KCNJ15: variants seen among roughly 807,000 people sequenced by gnomAD.
KCNJ15 encodes the protein potassium inwardly rectifying channel subfamily J member 15.
A neutral mutation model predicts 23.0 loss-of-function variants in KCNJ15; 14 were observed. The ratio of observed to expected loss-of-function variants is 0.61; its 90% confidence interval spans 0.40 to 0.95. The LOEUF (loss-of-function observed/expected upper bound fraction) is 0.95, where lower values mean the gene tolerates loss of function less well. Ranked by LOEUF, KCNJ15 falls within the 40% of genes least tolerant of loss-of-function variation. KCNJ15 has a pLI of 0.00. For synonymous variants in KCNJ15, 185 were observed against 183.2 expected, an observed-to-expected ratio of 1.01 and a Z score of -0.08; for missense variants, 388 against 461.8, an observed-to-expected ratio of 0.84 and a Z score of 1.46.
intron 1 of KCNJ15, among the ~76,000 whole-genome samples, chr21:38,231,208 G>A (rs1311587473): frequency 2.0e-5 from 3 of 151,940 alleles, no homozygotes; most frequent in Non-Finnish European, 4.4e-5. Context: ...CTTTTTGGAT[G>A]TTATAAATAA....
At chr21:38,279,149 G>C (rs1983057085) in intron 1 of KCNJ15, among the ~76,000 whole-genome samples, 1 of 152,110 alleles carries the variant, frequency 6.6e-6, no homozygotes, top group Non-Finnish European at 1.5e-5. Flanking sequence ...GGGGTGCTGA[G>C]TATTTTTCAG....
chr21:38,272,780 A>G (rs1297334470), intron 1 of KCNJ15, among the ~76,000 whole-genome samples: 1 of 152,206 alleles, frequency 6.6e-6, no homozygotes, highest in South Asian at 2.1e-4. Context: ...ACCAGCGCTT[A>G]ACAATGATTG....
At position 38,306,095 on chromosome 21, in the gene KCNJ15, C is replaced by A. The variant is rs1206532803; in HGVS notation, c.*5706C>A. The A allele has an allele frequency of 1.3e-5, 2 of 152,186 alleles. No individual in the cohort carries two copies. The highest frequency in any genetic ancestry group is 4.8e-5 in the African/African-American group (2 of 41,428). The allele number at this position is 152,186 out of a possible 1,614,324, so 9.4% of individuals were successfully genotyped here. A position where few individuals can be genotyped will look rare whatever the true frequency, so the allele number is the denominator to read the frequency against. On this transcript the variant is annotated 3_prime_UTR_variant, in exon 3 of 3. Transcript: ENST00000398938. ...TGCACAGGAGCCCAGATTCTCAAGC[C>A]CCAGTTGCAGAATTAGGCTGATGGT...
At chr21:38,254,654 G>T (rs10483043), upstream of KCNJ15, among the ~76,000 whole-genome samples, 10,217 of 152,202 alleles carry the variant, frequency 0.067, 830 homozygotes, top group African/African-American at 0.19. Flanking sequence ...AATGAAAAAT[G>T]CATGGATTGA....
intron 1 of KCNJ15, among the ~76,000 whole-genome samples, chr21:38,236,413 A>G (rs972109187): frequency 1.3e-5 from 2 of 152,232 alleles, no homozygotes; most frequent in South Asian, 2.1e-4. Context: ...ACCAGGGGGT[A>G]GGGGAGGAAG....
intron 1 of KCNJ15, among the ~76,000 whole-genome samples, chr21:38,293,213 A>G (rs1984800371): frequency 6.6e-6 from 1 of 152,130 alleles, no homozygotes; most frequent in African/African-American, 2.4e-5. Flanking sequence ...CTCAGTTCCA[A>G]GTTTCCTTCT....
chr21:38,251,465 T>C (rs1454852080), intron 1 of KCNJ15, among the ~76,000 whole-genome samples: 1 of 152,228 alleles, frequency 6.6e-6, no homozygotes, highest in Non-Finnish European at 1.5e-5. Context: ...AATCACCAAC[T>C]AACTCCAGTA....
At chr21:38,273,647 G>C (rs916549922) in intron 1 of KCNJ15, among the ~76,000 whole-genome samples, 86 of 152,194 alleles carry the variant, frequency 5.7e-4, no homozygotes, top group Non-Finnish European at 1.1e-3. Context: ...TTTAAAATCA[G>C]AATGGTCCAT....
chr21:38,241,203 T>C (rs1978970011), intron 1 of KCNJ15, among the ~76,000 whole-genome samples: 1 of 152,232 alleles, frequency 6.6e-6, no homozygotes, highest in Non-Finnish European at 1.5e-5. Context: ...GGGAGCCCTG[T>C]GTCACACAGG....
upstream of KCNJ15, among the ~76,000 whole-genome samples, chr21:38,256,167 A>T (rs1430375283): frequency 6.6e-6 from 1 of 151,848 alleles, no homozygotes; most frequent in East Asian, 1.9e-4. Context: ...ATATAACCCC[A>T]TTCCCGAAAG....
rs1051568499 is a variant in KCNJ15 at position 38,304,588 on chromosome 21, A to G, written c.*4199A>G. On this transcript the variant is annotated 3_prime_UTR_variant, in exon 3 of 3. Coordinates refer to ENST00000398938, the MANE Select transcript of KCNJ15 (RefSeq NM_170736.3). ...CTCCCAGGAGGACTTACTTACACTT[A>G]AAGGTCAAAAGCTTAACATTCACTT... 1.3e-5 allele frequency: 2 copies of G among 150,024 alleles called. No homozygotes were observed. Among genetic ancestry groups the G allele is most frequent in the African/African-American group, 4.9e-5 (2 of 40,888 alleles). The allele number at this position is 150,024 out of a possible 1,614,324, so 9.3% of individuals were successfully genotyped here.
At chr21:38,274,039 T>C (rs944860046) in intron 1 of KCNJ15, among the ~76,000 whole-genome samples, 5 of 152,254 alleles carry the variant, frequency 3.3e-5, no homozygotes, top group African/African-American at 1.2e-4. Context: ...TTTATGTTTC[T>C]AATGTGGTAT....
chr21:38,300,266 A>G lies in KCNJ15; in HGVS notation c.1005A>G (p.Lys335=), dbSNP rs1985649909. Reference sequence around the variant, plus strand: ...TCAGTCAGTTTGAACAGATTCGGAAAAGCCCAGATTGCACATTTTACTGTG... The same window carrying G: ...TCAGTCAGTTTGAACAGATTCGGAAGAGCCCAGATTGCACATTTTACTGTG... ...ADFSQFEQIR[K]SPDCTFYCAD... The change falls in exon 3 of 3, where the codon AAA becomes AAG. Residue 335 remains lysine (K), a synonymous_variant. Transcript: ENST00000398938. The G allele has an allele frequency of 6.2e-7, 1 of 1,614,122 alleles. No homozygotes were observed. Among genetic ancestry groups the G allele is most frequent in the African/African-American group, 1.3e-5 (1 of 74,934 alleles).
chr21:38,238,693 A>C (rs1417185033), intron 1 of KCNJ15: 6 of 462,734 alleles, frequency 1.3e-5, no homozygotes, highest in Non-Finnish European at 1.6e-5. Flanking sequence ...AAACTCTAGG[A>C]GGAATGTCCT....
upstream of KCNJ15, among the ~76,000 whole-genome samples, chr21:38,255,403 C>T (rs771607422): frequency 7.2e-5 from 11 of 152,200 alleles, no homozygotes; most frequent in Non-Finnish European, 1.3e-4. Context: ...CATATCCTCG[C>T]GGGAGGTCTA....
chr21:38,263,890 T>C (rs541547852), intron 1 of KCNJ15, among the ~76,000 whole-genome samples: 214 of 151,854 alleles, frequency 1.4e-3, no homozygotes, highest in African/African-American at 4.9e-3. Flanking sequence ...TTTAAGTGAA[T>C]TTACAAAGAT....
intron 1 of KCNJ15, among the ~76,000 whole-genome samples, chr21:38,246,462 C>A (rs762483170): frequency 6.6e-6 from 1 of 152,148 alleles, no homozygotes. Flanking sequence ...GCTTTGAGTT[C>A]GTTGCAGCTA....
At chr21:38,234,674 A>C (rs546820940) in intron 1 of KCNJ15, among the ~76,000 whole-genome samples, 1 of 152,258 alleles carries the variant, frequency 6.6e-6, no homozygotes, top group Non-Finnish European at 1.5e-5. Context: ...ATGGTTATAG[A>C]GAACCAACAT....
chr21:38,293,752 A>G (rs1290527977), intron 1 of KCNJ15, among the ~76,000 whole-genome samples: 1 of 152,236 alleles, frequency 6.6e-6, no homozygotes, highest in Non-Finnish European at 1.5e-5. Context: ...GCAGAAGGAA[A>G]GTAGAATTTC....
Sources: allele counts gnomAD v4.1 joint callset (sites outside exome capture counted in the v4.1 genomes callset), GRCh38; gene constraint gnomAD v4.1.1; transcripts MANE v1.5; gene names NCBI Gene and HGNC (gene_info 2026-07-23, HGNC 2026-07-21).